CNTN5: variants seen among roughly 807,000 people sequenced by gnomAD.
CNTN5 encodes the protein contactin 5.
Under a neutral mutation model 129.1 loss-of-function variants are expected in CNTN5, and 77 were observed. The ratio of observed to expected loss-of-function variants is 0.60; its 90% CI spans 0.50 to 0.72. The LOEUF (loss-of-function observed/expected upper bound fraction) is 0.72, where lower values mean the gene tolerates loss of function less well. Among genes scored for constraint, CNTN5 ranks in the 30% least tolerant of loss-of-function variants. The probability of loss-of-function intolerance (pLI) is 0.00; values close to 1 mark genes in which losing one functional copy is unlikely to be tolerated. For missense variants in CNTN5, 1,478 were observed against 1,328.8 expected (o/e 1.11, Z -1.75); for synonymous variants, 509 against 465.6 (o/e 1.09, Z -1.20).
intron 8 of CNTN5, among the ~76,000 whole-genome samples, chr11:99,959,719 A>G (rs1050423177): frequency 6.6e-6 from 1 of 152,228 alleles, no homozygotes; most frequent in African/African-American, 2.4e-5. Flanking sequence ...AAAAGGCTCA[A>G]TAAAGCAAGT....
chr11:99,755,013 A>G (rs1944361773), intron 3 of CNTN5, among the ~76,000 whole-genome samples: 1 of 152,180 alleles, frequency 6.6e-6, no homozygotes, highest in Non-Finnish European at 1.5e-5. Context: ...GGAATCATAC[A>G]GTAGGTAGTA....
At chr11:99,996,795 GGAGA>G (rs1253589369) in intron 8 of CNTN5, among the ~76,000 whole-genome samples, 2 of 152,058 alleles carry the variant, frequency 1.3e-5, no homozygotes, top group African/African-American at 4.8e-5. Context: ...CATGGCAGCA[GGAGA>G]GAGAGAGGGA....
chr11:99,335,948 G>A (rs887554695), intron 2 of CNTN5, among the ~76,000 whole-genome samples: 9 of 152,016 alleles, frequency 5.9e-5, no homozygotes, highest in African/African-American at 1.9e-4. Flanking sequence ...CTACTGAAGT[G>A]TAATTAAAAT....
intron 3 of CNTN5, among the ~76,000 whole-genome samples, chr11:99,610,356 A>G (rs1950558024): frequency 1.3e-5 from 2 of 152,124 alleles, no homozygotes; most frequent in Admixed American, 6.6e-5. Flanking sequence ...TCAGTCAGGT[A>G]TAGATTCTCA....
intron 2 of CNTN5, among the ~76,000 whole-genome samples, chr11:99,478,380 G>C (rs575631346): frequency 6.6e-6 from 1 of 152,056 alleles, no homozygotes; most frequent in South Asian, 2.1e-4. Context: ...TCTCTACCTT[G>C]GTAACAGCAA....
At chr11:100,309,053 T>C in intron 21 of CNTN5, 1 of 985,114 alleles carries the variant, frequency 1.0e-6, no homozygotes, top group Non-Finnish European at 1.2e-6. Context: ...TTGTGAGTAG[T>C]CTGTGAACAT....
At chr11:100,000,275 A>C (rs1214021703) in intron 8 of CNTN5, among the ~76,000 whole-genome samples, 1 of 152,236 alleles carries the variant, frequency 6.6e-6, no homozygotes, top group Non-Finnish European at 1.5e-5. Flanking sequence ...AGTTACTTCC[A>C]AGATACAGGC....
chr11:99,606,414 A>G (rs1203616083), intron 3 of CNTN5, among the ~76,000 whole-genome samples: 1 of 142,142 alleles, frequency 7.0e-6, no homozygotes, highest in African/African-American at 2.6e-5. Context: ...CTCTTCAAGG[A>G]GAACTACAAA....
At chr11:99,149,699 A>C (rs1226189674) in intron 1 of CNTN5, among the ~76,000 whole-genome samples, 1 of 152,120 alleles carries the variant, frequency 6.6e-6, no homozygotes, top group African/African-American at 2.4e-5. Context: ...AAAATCCCAC[A>C]CTGCTTCTAT....
intron 2 of CNTN5, among the ~76,000 whole-genome samples, chr11:99,476,280 C>T (rs1377640725): frequency 2.0e-5 from 3 of 151,954 alleles, no homozygotes; most frequent in Admixed American, 6.6e-5. Context: ...TATTTATCTA[C>T]TTTCTCATTT....
chr11:99,765,388 G>A (rs745312388), intron 3 of CNTN5, among the ~76,000 whole-genome samples: 1 of 150,784 alleles, frequency 6.6e-6, no homozygotes, highest in Non-Finnish European at 1.5e-5. Flanking sequence ...AACACATACT[G>A]AGTATGAGAT....
intron 1 of CNTN5, among the ~76,000 whole-genome samples, chr11:99,158,013 A>T (rs1349172845): frequency 2.0e-5 from 3 of 152,152 alleles, no homozygotes; most frequent in African/African-American, 2.4e-5. Flanking sequence ...GTTATGCTAA[A>T]TAATCATCTC....
At chr11:99,272,205 G>A (rs1863205679) in intron 1 of CNTN5, among the ~76,000 whole-genome samples, 2 of 151,852 alleles carry the variant, frequency 1.3e-5, no homozygotes, top group South Asian at 4.1e-4. Flanking sequence ...GCTCAAGCAG[G>A]TTGGTCCAAG....
chr11:100,247,572 C>A (rs1008866642), intron 16 of CNTN5, among the ~76,000 whole-genome samples: 39 of 152,034 alleles, frequency 2.6e-4, no homozygotes, highest in African/African-American at 8.5e-4. Context: ...GACCCAATCC[C>A]ACGTGAAGTT....
intron 6 of CNTN5, among the ~76,000 whole-genome samples, chr11:99,891,497 C>A (rs774196820): frequency 4.6e-5 from 7 of 152,122 alleles, no homozygotes; most frequent in Non-Finnish European, 7.4e-5. Context: ...CACCCCCCAA[C>A]AGGCCCAGGT....
At chr11:99,282,765 G>A (rs989338981) in intron 1 of CNTN5, among the ~76,000 whole-genome samples, 11 of 151,962 alleles carry the variant, frequency 7.2e-5, no homozygotes, top group African/African-American at 2.7e-4. Context: ...ACAGGAAAGC[G>A]TTACTTTTCC....
rs35204165 is a variant in CNTN5, at chr11:99,744,721, GA to G, written c.56-74805del. 9.1e-3 allele frequency among the ~76,000 whole-genome samples: 1,029 copies of G among 112,830 alleles called. 8 individuals are homozygous for G. Among genetic ancestry groups the G allele is most frequent in the African/African-American group, 0.027 (809 of 29,828 alleles). 74.0% of individuals were successfully genotyped at this position (112,830 alleles called of 152,430 possible). On this transcript the variant is annotated intron_variant, in intron 3 of 24. Transcript: ENST00000524871. Reference sequence around the variant, plus strand: ...GGCAACAGGGTAAGACCCTGTCTCAGAAAAAAAAAAAAAAAAAAGTTGGAGG... The same window carrying G: ...GGCAACAGGGTAAGACCCTGTCTCAGAAAAAAAAAAAAAAAAAGTTGGAGG...
intron 17 of CNTN5, among the ~76,000 whole-genome samples, chr11:100,268,444 C>T (rs1053896189): frequency 2.6e-5 from 4 of 151,982 alleles, no homozygotes; most frequent in Non-Finnish European, 4.4e-5. Context: ...TGAAAGCAAT[C>T]ATTGAGGTAA....
rs549412179 is a variant in CNTN5 at position 99,819,254 on chromosome 11, C to T, written c.56-290C>T. The stretch of plus-strand genomic sequence containing the variant: ...CCTCTCTCTCTCTACTTGCTTTCTT[C>T]CTTCCCTTCTGCCATCATTTTTCCT... On this transcript the variant is annotated intron_variant, in intron 3 of 24. Coordinates refer to ENST00000524871, the MANE Select transcript of CNTN5 (RefSeq NM_014361.4). Among the ~76,000 whole-genome samples, 15 of 144,324 alleles carry T rather than the reference C, an allele frequency of 1.0e-4. No individual in the cohort carries two copies. In the South Asian group the frequency reaches 3.5e-3, roughly 33 times the overall value. The allele number at this position is 144,324 out of a possible 152,430, so 94.7% of individuals were successfully genotyped here.
Sources: gnomAD v4.1 joint callset for allele counts (sites outside exome capture counted in the v4.1 genomes callset) on GRCh38, gnomAD v4.1.1 for gene constraint, MANE v1.5 for transcripts, NCBI Gene and HGNC (gene_info 2026-07-23, HGNC 2026-07-21) for gene names.